NPFFR2: variants seen among roughly 807,000 people sequenced by gnomAD.
NPFFR2 encodes the protein G-protein coupled receptor 74.
Under a neutral mutation model 13.1 loss-of-function variants are expected in NPFFR2, and 15 were observed. That is an observed-to-expected ratio of 1.15 (90% CI 0.77 to 1.76). NPFFR2 has a LOEUF of 1.76. NPFFR2 is among the 40% of genes most tolerant of loss of function. The pLI is 0.00. For synonymous variants in NPFFR2, 190 were observed against 175.7 expected (o/e 1.08, Z -0.65); for missense variants, 572 against 503.5 (o/e 1.14, Z -1.30).
intron 1 of NPFFR2, among the ~76,000 whole-genome samples, chr4:72,089,667 G>A (rs779232007): frequency 5.3e-5 from 8 of 151,680 alleles, no homozygotes; most frequent in Non-Finnish European, 1.2e-4. Context: ...ACTTTATGAT[G>A]GGATTTTTTT....
Position 72,128,922 on chromosome 4 carries a change from A to T in NPFFR2, c.328+3A>T, listed in dbSNP as rs767146218. On this transcript the variant is annotated splice_donor_region_variant and intron_variant, in intron 2 of 3. Transcript: ENST00000308744. ...ACTGCTGGACAATATTATAGCAGGT[A>T]TGTTGGCTTTTGTGCAGTTTGAAGA... 1.3e-6 allele frequency: 2 copies of T among 1,595,316 alleles called. No individual in the cohort carries two copies. The highest frequency in any genetic ancestry group is 1.7e-4 in the Middle Eastern group (1 of 5,998).
Position 72,147,008 on chromosome 4 carries a change from A to G in NPFFR2, c.459A>G (p.Pro153=), listed in dbSNP as rs1722800487. Residue 153 remains proline (P), a synonymous_variant, in exon 4 of 4, where the codon CCA becomes CCG. Coordinates refer to ENST00000308744, the MANE Select transcript of NPFFR2 (RefSeq NM_004885.3). The part of the protein sequence containing the change: ...RFQCVVYPFK[P]KLTIKTAFVI... ...AGTGTGTGGTCTACCCTTTTAAACC[A>G]AAGCTCACTATCAAGACAGCGTTTG... 6.2e-7 allele frequency: 1 copy of G among 1,613,892 alleles called. No homozygotes were observed. The highest frequency in any genetic ancestry group is 8.5e-7 in the Non-Finnish European group (1 of 1,179,880).
At chr4:72,069,788 A>C (rs2109782603) in intron 1 of NPFFR2, among the ~76,000 whole-genome samples, 1 of 152,294 alleles carries the variant, frequency 6.6e-6, no homozygotes, top group East Asian at 1.9e-4. Flanking sequence ...AATAAACATG[A>C]AAATATGTTC....
intron 2 of NPFFR2, among the ~76,000 whole-genome samples, chr4:72,133,744 T>C (rs887631637): frequency 1.3e-5 from 2 of 152,224 alleles, no homozygotes; most frequent in African/African-American, 4.8e-5. Context: ...GCTGTATTCC[T>C]AGATATTTTA....
intron 1 of NPFFR2, among the ~76,000 whole-genome samples, chr4:72,079,280 A>G (rs983433371): frequency 1.3e-5 from 2 of 152,128 alleles, no homozygotes; most frequent in African/African-American, 4.8e-5. Context: ...CAGGAGACAG[A>G]CTATAAATGG....
intron 3 of NPFFR2, among the ~76,000 whole-genome samples, chr4:72,143,930 C>T (rs1722703421): frequency 6.6e-6 from 1 of 152,180 alleles, no homozygotes; most frequent in African/African-American, 2.4e-5. Flanking sequence ...TGATTCACAT[C>T]CCTCGTTACC....
At chr4:72,098,729 TC>T (rs1240515968) in intron 1 of NPFFR2, among the ~76,000 whole-genome samples, 1 of 152,202 alleles carries the variant, frequency 6.6e-6, no homozygotes, top group Non-Finnish European at 1.5e-5. Flanking sequence ...GATCTGGGCT[TC>T]TTCTGTCATG....
At chr4:72,052,422 A>G (rs1719613178) in intron 1 of NPFFR2, among the ~76,000 whole-genome samples, 1 of 149,278 alleles carries the variant, frequency 6.7e-6, no homozygotes, top group Non-Finnish European at 1.5e-5. Flanking sequence ...AGATGCAGAA[A>G]AGGCCTTTGA....
At chr4:72,093,683 G>A (rs1720972921) in intron 1 of NPFFR2, among the ~76,000 whole-genome samples, 1 of 150,922 alleles carries the variant, frequency 6.6e-6, no homozygotes, top group South Asian at 2.1e-4. Context: ...TCCAGATGTT[G>A]TGATTGTTTT....
chr4:72,044,503 A>G (rs1051946483), intron 1 of NPFFR2, among the ~76,000 whole-genome samples: 1 of 152,194 alleles, frequency 6.6e-6, no homozygotes, highest in African/African-American at 2.4e-5. Context: ...TGATTATGTC[A>G]TCTGTGATTT....
intron 1 of NPFFR2, among the ~76,000 whole-genome samples, chr4:72,079,087 C>CACACACACACACACACACACACAT (rs1553890218): frequency 3.5e-5 from 5 of 143,334 alleles, no homozygotes; most frequent in African/African-American, 1.3e-4. Context: ...CACACACACA[C>CACACACACACACACACACACACAT]ATCTGTTGAA....
At chr4:72,104,867 G>T (rs1721374109) in intron 1 of NPFFR2, among the ~76,000 whole-genome samples, 1 of 151,734 alleles carries the variant, frequency 6.6e-6, no homozygotes, top group African/African-American at 2.4e-5. Context: ...ATAGGGTATT[G>T]TTAGGTGCCA....
chr4:72,034,537 C>T (rs542807343), intron 1 of NPFFR2, among the ~76,000 whole-genome samples: 1 of 152,308 alleles, frequency 6.6e-6, no homozygotes, highest in East Asian at 1.9e-4. Flanking sequence ...ATGGGGATTA[C>T]AAGAACTACA....
At chr4:72,084,723 G>A (rs1720718689) in intron 1 of NPFFR2, among the ~76,000 whole-genome samples, 1 of 152,134 alleles carries the variant, frequency 6.6e-6, no homozygotes, top group Non-Finnish European at 1.5e-5. Context: ...CCTGAAAGCA[G>A]CAGGTCTCTC....
In NPFFR2 at chr4:72,128,836, T is replaced by A; in HGVS notation, c.245T>A (p.Leu82His). ...RNKHMHTVTN[L>H]FILNLAISDL... ...AAACATATGCACACAGTCACTAATC[T>A]CTTCATCTTAAACCTGGCCATAAGT... Residue 82 changes from leucine (L) to histidine (H), a missense_variant, in exon 2 of 4, where the codon CTC (leucine) becomes CAC (histidine). Physicochemically the swap from Leu to His is moderately conservative, Grantham distance 99. Coordinates refer to ENST00000308744, the MANE Select transcript of NPFFR2 (RefSeq NM_004885.3). The A allele has an allele frequency of 6.2e-7, 1 of 1,614,124 alleles. No homozygotes were observed.
chr4:72,041,433 A>T (rs1001257548), intron 1 of NPFFR2, among the ~76,000 whole-genome samples: 2 of 152,134 alleles, frequency 1.3e-5, no homozygotes, highest in African/African-American at 4.8e-5. Context: ...TGTCTTTATT[A>T]TTGTGAATAG....
intron 1 of NPFFR2, among the ~76,000 whole-genome samples, chr4:72,064,960 C>G (rs1472661596): frequency 6.6e-6 from 1 of 151,964 alleles, no homozygotes; most frequent in Non-Finnish European, 1.5e-5. Flanking sequence ...ATGCTTGCAG[C>G]CTAACCTGAC....
At chr4:72,095,579 AT>A (rs1218102389) in intron 1 of NPFFR2, among the ~76,000 whole-genome samples, 6 of 152,210 alleles carry the variant, frequency 3.9e-5, no homozygotes, top group Admixed American at 3.9e-4. Context: ...CAATTTAAAA[AT>A]ATTTTTAAAT....
At chr4:72,131,997 G>GT (rs1317802591) in intron 2 of NPFFR2, among the ~76,000 whole-genome samples, 44 of 151,194 alleles carry the variant, frequency 2.9e-4, no homozygotes, top group Admixed American at 4.0e-4. Flanking sequence ...TCCCAGACAA[G>GT]TTTTTTTTTA....
Sources: allele counts gnomAD v4.1 joint callset (sites outside exome capture counted in the v4.1 genomes callset), GRCh38; gene constraint gnomAD v4.1.1; transcripts MANE v1.5; gene names NCBI Gene and HGNC (gene_info 2026-07-23, HGNC 2026-07-21).